Variants in KCNC2 observed in about 807,000 individuals in gnomAD.
The protein encoded by KCNC2 is voltage-gated potassium channel KCNC2.
In KCNC2, 21 loss-of-function variants were observed where a neutral mutation model predicts 44.5. The ratio of observed to expected loss-of-function variants is 0.47; its 90% confidence interval spans 0.33 to 0.68. The LOEUF (loss-of-function observed/expected upper bound fraction) is 0.68. Among genes scored for constraint, KCNC2 ranks in the 30% least tolerant of loss-of-function variants. The probability of loss-of-function intolerance (pLI) is 0.01; values close to 1 mark genes in which losing one functional copy is unlikely to be tolerated. For synonymous variants in KCNC2, 391 were observed against 339.1 expected, an observed-to-expected ratio of 1.15 and a Z score of -1.68; for missense variants, 589 against 826.2, an observed-to-expected ratio of 0.71 and a Z score of 3.52.
At chr12:75,179,347 A>G (rs917948513) in intron 2 of KCNC2, among the ~76,000 whole-genome samples, 7 of 151,824 alleles carry the variant, frequency 4.6e-5, no homozygotes, top group African/African-American at 1.7e-4. Flanking sequence ...TTTGTTTTTC[A>G]TTTTGGCAAA....
chr12:75,113,932 C>T (rs561785389), intron 2 of KCNC2, among the ~76,000 whole-genome samples: 27 of 152,280 alleles, frequency 1.8e-4, no homozygotes, highest in Non-Finnish European at 4.0e-4. Flanking sequence ...TAGAATCCAG[C>T]TTAATTACGG....
intron 2 of KCNC2, among the ~76,000 whole-genome samples, chr12:75,149,867 A>G (rs544321361): frequency 2.6e-4 from 40 of 151,994 alleles, no homozygotes; most frequent in South Asian, 6.2e-4. Flanking sequence ...AAGGGCTGCA[A>G]TGGAGGATTA....
intron 2 of KCNC2, among the ~76,000 whole-genome samples, chr12:75,188,321 G>A (rs2029879701): frequency 6.6e-6 from 1 of 152,166 alleles, no homozygotes; most frequent in African/African-American, 2.4e-5. Context: ...GAGAAAGACT[G>A]CAATGTAAAA....
intron 2 of KCNC2, among the ~76,000 whole-genome samples, chr12:75,139,311 A>G (rs1379689230): frequency 6.6e-6 from 1 of 152,214 alleles, no homozygotes; most frequent in Non-Finnish European, 1.5e-5. Context: ...AAAGGAAGTG[A>G]AAAAGAATAA....
At chr12:75,052,016 A>G (rs914355385) in intron 2 of KCNC2, among the ~76,000 whole-genome samples, 2 of 152,250 alleles carry the variant, frequency 1.3e-5, no homozygotes, top group East Asian at 1.9e-4. Context: ...TGTTCGAGTA[A>G]CATACTATAA....
chr12:75,069,129 CTTTTT>C (rs1158151551), intron 2 of KCNC2, among the ~76,000 whole-genome samples: 6 of 63,650 alleles, frequency 9.4e-5, no homozygotes, highest in African/African-American at 1.2e-4. Context: ...TTTATATAAT[CTTTTT>C]TTTTTTTTTT....
At chr12:75,071,646 C>A (rs1592803812) in intron 2 of KCNC2, among the ~76,000 whole-genome samples, 1 of 152,108 alleles carries the variant, frequency 6.6e-6, no homozygotes, top group East Asian at 1.9e-4. Flanking sequence ...GAACAACTAA[C>A]TCTTGACGGA....
chr12:75,051,345 C>G, intron 2 of KCNC2, 28 bp from the exon 3 acceptor site: 1 of 1,275,448 alleles, frequency 7.8e-7, no homozygotes, highest in Non-Finnish European at 1.1e-6. Flanking sequence ...ATAAAAAAAC[C>G]CATAGTGATC....
At chr12:75,056,398 G>GA (rs1244156117) in intron 2 of KCNC2, among the ~76,000 whole-genome samples, 3 of 151,818 alleles carry the variant, frequency 2.0e-5, no homozygotes, top group Non-Finnish European at 2.9e-5. Flanking sequence ...AACATCATGG[G>GA]AAAATCATGA....
chr12:75,063,753 T>C (rs1882565337), intron 2 of KCNC2, among the ~76,000 whole-genome samples: 1 of 152,104 alleles, frequency 6.6e-6, no homozygotes, highest in South Asian at 2.1e-4. Flanking sequence ...TTCTTATACA[T>C]TTTGGTAGCA....
intron 2 of KCNC2, among the ~76,000 whole-genome samples, chr12:75,074,369 G>A (rs1382069736): frequency 6.6e-6 from 1 of 151,546 alleles, no homozygotes; most frequent in Non-Finnish European, 1.5e-5. Context: ...GCAGTGAAGA[G>A]GGTAGAAGAA....
At chr12:75,181,231 A>C (rs1224464058) in intron 2 of KCNC2, among the ~76,000 whole-genome samples, 13 of 152,284 alleles carry the variant, frequency 8.5e-5, no homozygotes, top group Admixed American at 6.5e-5. Context: ...AAGGAAAAAA[A>C]ACAGTAATTT....
At chr12:75,118,467 A>G (rs1158499166) in intron 2 of KCNC2, among the ~76,000 whole-genome samples, 1 of 152,038 alleles carries the variant, frequency 6.6e-6, no homozygotes, top group Non-Finnish European at 1.5e-5. Context: ...GAAAATTTCA[A>G]CCTCATTGCT....
At chr12:75,061,200 T>A (rs1882285839) in intron 2 of KCNC2, among the ~76,000 whole-genome samples, 2 of 152,078 alleles carry the variant, frequency 1.3e-5, no homozygotes, top group Admixed American at 6.6e-5. Flanking sequence ...ATACCAAACA[T>A]AAAGTTTAAC....
At position 75,059,747 on chromosome 12, in the gene KCNC2, A is replaced by G. The variant is rs140501972; in HGVS notation, c.688-8430T>C. Reference sequence around the variant, plus strand: ...ATACAATTGGCTGCTTTACTAGATTATAAAATAAATATGACTATGCATTTA... The same window carrying G: ...ATACAATTGGCTGCTTTACTAGATTGTAAAATAAATATGACTATGCATTTA... On this transcript the variant is annotated intron_variant, in intron 2 of 4. Coordinates refer to ENST00000549446, the MANE Select transcript of KCNC2 (RefSeq NM_139137.4). Among the ~76,000 whole-genome samples the G allele has an allele frequency of 1.9e-3, 294 of 152,278 alleles. 1 individual carries two copies. The highest frequency in any genetic ancestry group is 6.7e-3 in the African/African-American group (280 of 41,574).
intron 2 of KCNC2, among the ~76,000 whole-genome samples, chr12:75,071,750 G>A (rs1015339744): frequency 1.3e-5 from 2 of 151,846 alleles, no homozygotes; most frequent in African/African-American, 4.8e-5. Flanking sequence ...AGGAGTTTGA[G>A]ACCAGCCTGA....
intron 2 of KCNC2, among the ~76,000 whole-genome samples, chr12:75,162,650 A>G (rs1891194126): frequency 1.3e-5 from 2 of 151,766 alleles, no homozygotes; most frequent in African/African-American, 4.8e-5. Flanking sequence ...CTAAAGCTAC[A>G]TAAAAAGAGG....
chr12:75,115,125 A>T (rs1428714327), intron 2 of KCNC2, among the ~76,000 whole-genome samples: 1 of 151,050 alleles, frequency 6.6e-6, no homozygotes, highest in South Asian at 2.1e-4. Flanking sequence ...GGCCTCCCAA[A>T]GTGCTGGGAT....
chr12:75,082,074 T>C (rs1776551456), intron 2 of KCNC2, among the ~76,000 whole-genome samples: 1 of 152,010 alleles, frequency 6.6e-6, no homozygotes, highest in South Asian at 2.1e-4. Flanking sequence ...AGAGGCACAA[T>C]AGTACGTATT....
Sources: allele counts gnomAD v4.1 joint callset (sites outside exome capture counted in the v4.1 genomes callset), GRCh38; gene constraint gnomAD v4.1.1; transcripts MANE v1.5; gene names NCBI Gene and HGNC (gene_info 2026-07-23, HGNC 2026-07-21).